ETV1: variants seen among roughly 807,000 people sequenced by gnomAD.
ETV1 encodes ETS variant transcription factor 1, also known as ETS translocation variant 1.
Under a neutral mutation model 62.3 loss-of-function variants are expected in ETV1, and 27 were observed. That is an observed-to-expected ratio of 0.43 (90% confidence interval 0.32 to 0.60). The LOEUF (loss-of-function observed/expected upper bound fraction) is 0.60. ETV1 is among the 20% of genes least tolerant of loss of function. The pLI, the probability that ETV1 is intolerant of heterozygous loss-of-function variation, is 0.06. For synonymous variants in ETV1, 222 were observed against 199.6 expected, an observed-to-expected ratio of 1.11 and a Z score of -0.94; for missense variants, 605 against 605.8, an observed-to-expected ratio of 1.00 and a Z score of 0.01.
chr7:13,946,083 T>C (rs1354445645), intron 6 of ETV1, among the ~76,000 whole-genome samples: 1 of 152,212 alleles, frequency 6.6e-6, no homozygotes. Context: ...CTTCTTCAAG[T>C]GTACCAAATC....
intron 6 of ETV1, among the ~76,000 whole-genome samples, chr7:13,960,423 A>T (rs182238345): frequency 6.6e-6 from 1 of 152,302 alleles, no homozygotes; most frequent in Non-Finnish European, 1.5e-5. Flanking sequence ...TCTATGTGCC[A>T]AATTCTTCAG....
chr7:13,914,492 C>T (rs1206343035), intron 9 of ETV1, among the ~76,000 whole-genome samples: 2 of 151,686 alleles, frequency 1.3e-5, no homozygotes, highest in African/African-American at 4.8e-5. Context: ...TTTTAATGCA[C>T]TAATCAATGT....
intron 6 of ETV1, among the ~76,000 whole-genome samples, chr7:13,943,442 A>G (rs1382624614): frequency 6.6e-6 from 1 of 152,202 alleles, no homozygotes; most frequent in East Asian, 1.9e-4. Context: ...TATAATAAGC[A>G]CTTTGGAAAA....
intron 13 of ETV1, 164 bp downstream of exon 13, chr7:13,900,574 T>A (rs1044293742): frequency 1.2e-5 from 7 of 566,544 alleles, no homozygotes; most frequent in African/African-American, 1.1e-4. Flanking sequence ...TGTCTAGGCA[T>A]TTATACATAG....
At chr7:13,957,101 T>C (rs1789557137) in intron 6 of ETV1, among the ~76,000 whole-genome samples, 1 of 152,098 alleles carries the variant, frequency 6.6e-6, no homozygotes, top group South Asian at 2.1e-4. Flanking sequence ...TTTTATTTTT[T>C]TTGAGAAGGA....
chr7:13,962,240 C>T (rs74529770), intron 6 of ETV1, among the ~76,000 whole-genome samples: 2 of 151,356 alleles, frequency 1.3e-5, no homozygotes, highest in Non-Finnish European at 3.0e-5. Context: ...CATTTAGTCA[C>T]CCTAGGGGAG....
intron 5 of ETV1, among the ~76,000 whole-genome samples, chr7:13,984,352 G>A (rs1053861423): frequency 6.6e-6 from 1 of 151,958 alleles, no homozygotes; most frequent in Admixed American, 6.6e-5. Context: ...GACATAAATG[G>A]ACACATCTCA....
chr7:13,955,881 T>C (rs1003244293), intron 6 of ETV1, among the ~76,000 whole-genome samples: 2 of 152,064 alleles, frequency 1.3e-5, no homozygotes, highest in Non-Finnish European at 2.9e-5. Flanking sequence ...CGGGATCCAT[T>C]TGGGAGTTCT....
chr7:13,950,899 A>AAC (rs67539493), intron 6 of ETV1, among the ~76,000 whole-genome samples: 6,983 of 138,798 alleles, frequency 0.05, 234 homozygotes, highest in African/African-American at 0.097. Context: ...CTTCTCTAGG[A>AAC]ACACACACAC....
At position 13,893,365 on chromosome 7, in the gene ETV1, TTA is replaced by T. The variant is rs745992175; in HGVS notation, c.*2499_*2500del. The stretch of plus-strand genomic sequence containing the variant: ...GAATCAAAACAGAACTTAAAAAATT[TTA>T]GATACATTTTTCAAAAGAGTTTATA... On this transcript the variant is annotated 3_prime_UTR_variant, in exon 14 of 14. Coordinates refer to ENST00000430479, the MANE Select transcript of ETV1 (RefSeq NM_004956.5). 4.3e-6 allele frequency: 1 copy of T among 231,356 alleles called. No homozygotes were observed. The highest frequency in any genetic ancestry group is 8.5e-6 in the Non-Finnish European group (1 of 116,970). 14.3% of individuals were successfully genotyped at this position (231,356 alleles called of 1,614,324 possible).
chr7:13,922,367 T>A (rs1322308189), intron 9 of ETV1, among the ~76,000 whole-genome samples: 1 of 152,164 alleles, frequency 6.6e-6, no homozygotes, highest in African/African-American at 2.4e-5. Flanking sequence ...CTTAGCTGCC[T>A]AATTAGAATC....
chr7:13,923,006 G>A (rs1377131331), intron 9 of ETV1, among the ~76,000 whole-genome samples: 1 of 152,176 alleles, frequency 6.6e-6, no homozygotes, highest in Non-Finnish European at 1.5e-5. Flanking sequence ...ATTGCTAGAT[G>A]AGTAGTAGTA....
intron 8 of ETV1, among the ~76,000 whole-genome samples, chr7:13,934,934 C>T (rs1286433098): frequency 6.6e-6 from 1 of 152,088 alleles, no homozygotes; most frequent in Non-Finnish European, 1.5e-5. Flanking sequence ...CATACAGAAG[C>T]ACAGGGCAGA....
At chr7:13,966,512 T>C (rs938487261) in intron 6 of ETV1, among the ~76,000 whole-genome samples, 1 of 152,024 alleles carries the variant, frequency 6.6e-6, no homozygotes, top group African/African-American at 2.4e-5. Flanking sequence ...TGCATGCCTA[T>C]GGTCTCAGGC....
At chr7:13,941,077 A>T (rs541905432) in intron 6 of ETV1, among the ~76,000 whole-genome samples, 9 of 152,202 alleles carry the variant, frequency 5.9e-5, no homozygotes, top group African/African-American at 2.2e-4. Flanking sequence ...AAGAAAAAAG[A>T]GAAATTTTGT....
intron 6 of ETV1, among the ~76,000 whole-genome samples, chr7:13,972,551 C>G (rs7799104): frequency 3.3e-5 from 5 of 152,074 alleles, no homozygotes; most frequent in African/African-American, 1.2e-4. Context: ...AGGTTCACCT[C>G]TGTTTGAAAT....
chr7:13,964,216 A>C (rs891384742), intron 6 of ETV1, among the ~76,000 whole-genome samples: 1 of 152,200 alleles, frequency 6.6e-6, no homozygotes, highest in Non-Finnish European at 1.5e-5. Flanking sequence ...TTCACTTCAC[A>C]GCAGGACCAC....
chr7:13,960,522 C>CA (rs1183388018), intron 6 of ETV1, among the ~76,000 whole-genome samples: 1 of 152,004 alleles, frequency 6.6e-6, no homozygotes, highest in Non-Finnish European at 1.5e-5. Context: ...TTCAAAATCA[C>CA]AAAAATAGCA....
chr7:13,900,606 C>T (rs890953977), intron 13 of ETV1, 132 bp downstream of exon 13: 1 of 629,862 alleles, frequency 1.6e-6, no homozygotes, highest in Non-Finnish European at 2.7e-6. Flanking sequence ...ATACCAAAAC[C>T]AAGAGCTAAG....
Sources: allele counts gnomAD v4.1 joint callset (sites outside exome capture counted in the v4.1 genomes callset), GRCh38; gene constraint gnomAD v4.1.1; transcripts MANE v1.5; gene names NCBI Gene and HGNC (gene_info 2026-07-23, HGNC 2026-07-21).